DGKB: variants seen among roughly 807,000 people sequenced by gnomAD.
DGKB encodes 90 kDa diacylglycerol kinase.
A neutral mutation model predicts 114.3 loss-of-function variants in DGKB; 67 were observed. That is an observed-to-expected ratio of 0.59 (90% confidence interval 0.48 to 0.72). The LOEUF is 0.72. Ranked by LOEUF, DGKB falls within the 30% of genes least tolerant of loss-of-function variation. DGKB has a pLI of 0.00. For synonymous variants in DGKB, 398 were observed against 323.1 expected (o/e 1.23, Z -2.49); for missense variants, 907 against 975.2 (o/e 0.93, Z 0.93).
At chr7:14,949,480 A>G (rs1185480283) in intron 1 of DGKB, among the ~76,000 whole-genome samples, 2 of 152,050 alleles carry the variant, frequency 1.3e-5, no homozygotes, top group African/African-American at 4.8e-5. Flanking sequence ...AAGAGGAAAA[A>G]GAAGAAATAT....
intron 16 of DGKB, among the ~76,000 whole-genome samples, chr7:14,612,933 G>T (rs965989797): frequency 5.3e-5 from 8 of 152,076 alleles, no homozygotes; most frequent in South Asian, 2.1e-4. Flanking sequence ...AAATGCACAT[G>T]CAGAAAATCA....
At chr7:14,741,280 T>A (rs929259251) in intron 4 of DGKB, among the ~76,000 whole-genome samples, 16 of 152,174 alleles carry the variant, frequency 1.1e-4, no homozygotes, top group African/African-American at 3.6e-4. Context: ...TTGGCCTCCC[T>A]CTCCCTGTGC....
chr7:14,574,269 A>G lies in DGKB; in HGVS notation c.1713T>C (p.Asp571=), dbSNP rs765267423. 5 of 1,603,100 alleles carry G rather than the reference A, an allele frequency of 3.1e-6. No individual in the cohort carries two copies. Among genetic ancestry groups the G allele is most frequent in the Middle Eastern group, 1.7e-4 (1 of 6,058 alleles). ...TGTAAGGCACTGGGTCTCCTTTCTC[A>G]TCTTTGTCATTAGGTATGACTTCAA... is the stretch of plus-strand genomic sequence containing the variant. ...WKFEVIPNDK[D]EKGDPVPYSI... Residue 571 remains aspartate (D), a synonymous_variant, in exon 20 of 26, where the codon GAT becomes GAC. Coordinates refer to ENST00000402815, the MANE Select transcript of DGKB (RefSeq NM_001350709.2).
chr7:14,305,923 G>T (rs1284614607), intron 23 of DGKB, among the ~76,000 whole-genome samples: 1 of 152,054 alleles, frequency 6.6e-6, no homozygotes, highest in Non-Finnish European at 1.5e-5. Context: ...ATTAATGTTG[G>T]TTAGCATGAG....
At chr7:14,224,808 T>C (rs1213491771) in intron 23 of DGKB, among the ~76,000 whole-genome samples, 2 of 152,050 alleles carry the variant, frequency 1.3e-5, no homozygotes, top group Non-Finnish European at 2.9e-5. Context: ...TTCAGGACAC[T>C]CTTTGACTAT....
intron 1 of DGKB, among the ~76,000 whole-genome samples, chr7:14,860,323 C>T (rs532646460): frequency 6.6e-6 from 1 of 152,120 alleles, no homozygotes; most frequent in East Asian, 1.9e-4. Context: ...CTTTCTAATT[C>T]ATCACCTGCC....
At chr7:14,633,415 G>A (rs1810117802) in intron 13 of DGKB, among the ~76,000 whole-genome samples, 1 of 151,772 alleles carries the variant, frequency 6.6e-6, no homozygotes, top group Non-Finnish European at 1.5e-5. Flanking sequence ...GAATAAGAGT[G>A]ACAAAACCAA....
At chr7:14,610,714 C>A (rs1233661036) in intron 16 of DGKB, among the ~76,000 whole-genome samples, 4 of 152,008 alleles carry the variant, frequency 2.6e-5, no homozygotes, top group African/African-American at 4.8e-5. Context: ...TAGTGGACAA[C>A]TCTGTGCCTT....
In DGKB at chr7:14,641,626, T is replaced by C. The variant is rs1218361255; in HGVS notation, c.1135-11358A>G. Among the ~76,000 whole-genome samples the C allele has an allele frequency of 2.0e-5, 3 of 152,114 alleles. No individual in the cohort carries two copies. In the East Asian group the frequency reaches 5.8e-4, roughly 29 times the overall value. Reference sequence around the variant, plus strand: ...TGGTTATACAATAATCCTGACGCCTTTGATGCTCCACCAGATTTCATTTGT... The same window carrying C: ...TGGTTATACAATAATCCTGACGCCTCTGATGCTCCACCAGATTTCATTTGT... On this transcript the variant is annotated intron_variant, in intron 13 of 25. Transcript: ENST00000402815.
At chr7:14,765,472 C>T (rs563951871) in intron 2 of DGKB, among the ~76,000 whole-genome samples, 25 of 151,912 alleles carry the variant, frequency 1.6e-4, no homozygotes, top group Non-Finnish European at 2.9e-4. Flanking sequence ...TATTTATTAT[C>T]GTTGTTAATC....
At chr7:14,527,940 A>C (rs965320514) in intron 20 of DGKB, among the ~76,000 whole-genome samples, 1 of 152,156 alleles carries the variant, frequency 6.6e-6, no homozygotes, top group East Asian at 1.9e-4. Flanking sequence ...AACTTCTGCT[A>C]TATGGAAGTA....
chr7:14,703,386 G>A (rs951998252), intron 6 of DGKB, among the ~76,000 whole-genome samples: 1 of 152,150 alleles, frequency 6.6e-6, no homozygotes, highest in African/African-American at 2.4e-5. Context: ...ACACACATGG[G>A]TAGGATATAT....
chr7:14,185,565 G>A (rs1403856229), intron 23 of DGKB, among the ~76,000 whole-genome samples: 1 of 151,872 alleles, frequency 6.6e-6, no homozygotes. Flanking sequence ...GACAAAGCAA[G>A]ACTAAGCAAA....
chr7:14,199,577 T>C (rs1016069531), intron 23 of DGKB, among the ~76,000 whole-genome samples: 3 of 151,996 alleles, frequency 2.0e-5, no homozygotes, highest in African/African-American at 7.2e-5. Context: ...CATGGTCACA[T>C]TTCCACAAGG....
chr7:14,348,888 G>C (rs903156882), intron 21 of DGKB, among the ~76,000 whole-genome samples: 1 of 151,868 alleles, frequency 6.6e-6, no homozygotes, highest in Non-Finnish European at 1.5e-5. Context: ...TATGATTTTA[G>C]AGTAGGCTAA....
chr7:14,311,039 G>A (rs6942417), intron 23 of DGKB, among the ~76,000 whole-genome samples: 33,174 of 151,718 alleles, frequency 0.22, 5,950 homozygotes, highest in African/African-American at 0.5. Context: ...AAGGTGGGAG[G>A]ATCACTTAAG....
intron 23 of DGKB, among the ~76,000 whole-genome samples, chr7:14,267,403 C>T (rs926917577): frequency 4.0e-5 from 6 of 151,800 alleles, no homozygotes; most frequent in Admixed American, 6.6e-5. Flanking sequence ...TGTCATGCCA[C>T]GTAGAGCAGA....
chr7:14,605,125 T>C (rs1423224715), intron 17 of DGKB, among the ~76,000 whole-genome samples: 1 of 152,012 alleles, frequency 6.6e-6, no homozygotes. Flanking sequence ...GTAGCATATT[T>C]GGTAATAATT....
At chr7:14,276,321 G>A (rs867481113) in intron 23 of DGKB, among the ~76,000 whole-genome samples, 1 of 152,072 alleles carries the variant, frequency 6.6e-6, no homozygotes. Context: ...TCTTTTAATA[G>A]TTTAATATTT....
Sources: gnomAD v4.1 joint callset for allele counts (sites outside exome capture counted in the v4.1 genomes callset) on GRCh38, gnomAD v4.1.1 for gene constraint, MANE v1.5 for transcripts, NCBI Gene and HGNC (gene_info 2026-07-23, HGNC 2026-07-21) for gene names.